TMEM132E: variants seen among roughly 807,000 people sequenced by gnomAD.
TMEM132E encodes the protein transmembrane protein 132E.
A neutral mutation model predicts 78.5 loss-of-function variants in TMEM132E; 49 were observed. That is an observed-to-expected ratio of 0.62 (90% CI 0.50 to 0.79). The LOEUF (loss-of-function observed/expected upper bound fraction) is 0.79. TMEM132E is among the 30% of genes least tolerant of loss of function. TMEM132E has a pLI of 0.00. For synonymous variants in TMEM132E, 715 were observed against 670.6 expected (o/e 1.07, Z -1.02); for missense variants, 1,403 against 1,470.9 (o/e 0.95, Z 0.75).
Position 34,638,166 on chromosome 17 carries a change from C to A in TMEM132E, c.3159C>A (p.Gly1053=), listed in dbSNP as rs747755755. ...DLGWGCPDVA[G]PTRPTAPPDL... is the part of the protein sequence containing the mutation. Reference sequence around the variant, plus strand: ...GTTGGGGCTGCCCGGATGTGGCGGGCCCCACGCGGCCCACTGCACCCCCGG... The same window carrying A: ...GTTGGGGCTGCCCGGATGTGGCGGGACCCACGCGGCCCACTGCACCCCCGG... Residue 1053 remains glycine (G), a synonymous_variant, in exon 9 of 9, where the codon GGC becomes GGA. Transcript: ENST00000631683. 5 of 1,593,476 alleles carry A rather than the reference C, an allele frequency of 3.1e-6. No homozygotes were observed. The African/African-American group carries it at 6.7e-5, about 21-fold the overall frequency.
intron 4 of TMEM132E, 23 bp from the exon 5 acceptor site, chr17:34,629,984 GC>G (rs749506300): frequency 2.2e-4 from 351 of 1,581,742 alleles, no homozygotes; most frequent in East Asian, 5.9e-4. Flanking sequence ...CACAAGTAGA[GC>G]CCCCCCCTTC....
In TMEM132E at chr17:34,638,105, C is replaced by G. The variant is rs1323457353; in HGVS notation, c.3098C>G (p.Ala1033Gly). ...GAGCTGGCCTATGACTCGGTGCCCG[C>G]GGGCGAAGAGGACGAGGAGGAGGAA... Reference protein sequence around the residue: ...SEELAYDSVPAGEEDEEEEED... With the variant: ...SEELAYDSVPGGEEDEEEEED... The change falls in exon 9 of 9, where the codon GCG (alanine) becomes GGG (glycine). Residue 1033 changes from alanine to glycine, a missense_variant. Around this residue, in one of 3 missense-constraint regions of TMEM132E, gnomAD observed 888 missense variants for 952.8 expected, o/e 0.93. Transcript: ENST00000631683. 3.8e-6 allele frequency: 6 copies of G among 1,599,520 alleles called. No individual in the cohort carries two copies. The highest frequency in any genetic ancestry group is 5.1e-6 in the Non-Finnish European group (6 of 1,173,564).
Position 34,627,007 on chromosome 17 carries a change from C to G in TMEM132E, c.948C>G (p.Ala316=). 1 of 1,613,824 alleles carries G rather than the reference C, an allele frequency of 6.2e-7. No homozygotes were observed. Among genetic ancestry groups the G allele is most frequent in the Non-Finnish European group, 8.5e-7 (1 of 1,180,012 alleles). The change falls in exon 2 of 9, where the codon GCC becomes GCG. Residue 316 remains alanine (A), a synonymous_variant. Transcript: ENST00000631683. The part of the protein sequence containing the change: ...GEVLSILLYL[A]PNSSSPSSPS... ...TGCTCAGCATCCTCCTCTATCTGGC[C>G]CCCAACTCCTCCTCGCCCTCCAGCC...
At chr17:34,587,832 G>T (rs1905729249) in intron 1 of TMEM132E, among the ~76,000 whole-genome samples, 1 of 152,216 alleles carries the variant, frequency 6.6e-6, no homozygotes, top group Non-Finnish European at 1.5e-5. Flanking sequence ...CACATTGGCT[G>T]CTATGTGAAG....
intron 2 of TMEM132E, 56 bp downstream of exon 2, chr17:34,627,113 T>A: frequency 9.6e-7 from 1 of 1,042,808 alleles, no homozygotes; most frequent in Non-Finnish European, 1.4e-6. Context: ...AATGCATACC[T>A]GACTCCTTGT....
chr17:34,583,345 C>A (rs527808462), intron 1 of TMEM132E, among the ~76,000 whole-genome samples: 1 of 152,380 alleles, frequency 6.6e-6, no homozygotes, highest in East Asian at 1.9e-4. Context: ...TCTTCTCCAT[C>A]GCATGTCTCA....
At chr17:34,631,268 G>C (rs1265866728) in intron 5 of TMEM132E, among the ~76,000 whole-genome samples, 2 of 152,108 alleles carry the variant, frequency 1.3e-5, no homozygotes, top group African/African-American at 2.4e-5. Flanking sequence ...TGCCTTCCAA[G>C]GGAGCCAGAG....
rs376665855 is a variant in TMEM132E, at chr17:34,629,086, G to T, written c.1220G>T (p.Arg407Leu). Residue 407 changes from arginine to leucine, a missense_variant, in exon 4 of 9, where the codon CGG becomes CTG. Physicochemically the swap from Arg to Leu is moderately radical, Grantham distance 102 (BLOSUM62 -2). Coordinates refer to ENST00000631683, the MANE Select transcript of TMEM132E (RefSeq NM_001304438.2). ...MENFTSQSVK[R>L]RIMWHIDYRG... Reference sequence around the variant, plus strand: ...AACTTCACCAGCCAGTCAGTCAAGCGGAGGATCATGTGGCACATTGACTAC... The same window carrying T: ...AACTTCACCAGCCAGTCAGTCAAGCTGAGGATCATGTGGCACATTGACTAC... The T allele has an allele frequency of 1.2e-6, 2 of 1,610,816 alleles. No individual in the cohort carries two copies.
At chr17:34,627,929 C>A (rs1362125018) in intron 2 of TMEM132E, among the ~76,000 whole-genome samples, 1 of 152,168 alleles carries the variant, frequency 6.6e-6, no homozygotes, top group Admixed American at 6.5e-5. Flanking sequence ...GTAGAGCTTG[C>A]AGAATTAGAG....
intron 1 of TMEM132E, among the ~76,000 whole-genome samples, chr17:34,588,174 A>T (rs1182128187): frequency 2.6e-5 from 4 of 152,108 alleles, no homozygotes; most frequent in African/African-American, 9.7e-5. Context: ...CTCTGACCAG[A>T]ACACTCACAC....
Position 34,637,672 on chromosome 17 carries a change from A to G in TMEM132E, c.2665A>G (p.Ile889Val). The change falls in exon 9 of 9, where the codon ATC (isoleucine) becomes GTC (valine). Residue 889 changes from isoleucine (I) to valine (V), a missense_variant. Ile to Val is a conservative substitution (Grantham distance 29). Transcript: ENST00000631683. ...QVPRGLTDLE[I>V]GMYALLGVFC... ...GCCACGGGGTCTGACAGACCTGGAG[A>G]TCGGCATGTACGCGCTGCTGGGCGT... The G allele has an allele frequency of 6.2e-7, 1 of 1,610,168 alleles. No individual in the cohort carries two copies. The highest frequency in any genetic ancestry group is 8.5e-7 in the Non-Finnish European group (1 of 1,179,926).
At chr17:34,615,517 A>ATGTGTGTGTGTGTGTGTG (rs3048841) in intron 1 of TMEM132E, among the ~76,000 whole-genome samples, 112 of 140,882 alleles carry the variant, frequency 7.9e-4, no homozygotes, top group East Asian at 2.7e-3. Flanking sequence ...ACTGGCACAG[A>ATGTGTGTGTGTGTGTGTG]TGTGTGTGTG....
intron 1 of TMEM132E, among the ~76,000 whole-genome samples, chr17:34,600,303 T>C (rs1361042209): frequency 6.6e-6 from 1 of 152,242 alleles, no homozygotes; most frequent in Non-Finnish European, 1.5e-5. Flanking sequence ...CTACTACTAC[T>C]GAACTGCTAC....
At position 34,626,414 on chromosome 17, in the gene TMEM132E, C is replaced by G; in HGVS notation, c.355C>G (p.Arg119Gly). The G allele has an allele frequency of 6.2e-7, 1 of 1,613,368 alleles. No homozygotes were observed. Among genetic ancestry groups the G allele is most frequent in the Middle Eastern group, 1.7e-4 (1 of 6,060 alleles). ...QPSSTLDIPE[R>G]LTVNWKVRAF... is the part of the protein sequence containing the mutation. ...GTCCAGCACCCTGGACATCCCCGAG[C>G]GCCTGACGGTGAACTGGAAGGTGCG... The change falls in exon 2 of 9, where the codon CGC (arginine) becomes GGC (glycine). Residue 119 changes from arginine to glycine, a missense_variant. Transcript: ENST00000631683.
chr17:34,607,840 G>A (rs746885620), intron 1 of TMEM132E, among the ~76,000 whole-genome samples: 3 of 152,084 alleles, frequency 2.0e-5, no homozygotes, highest in African/African-American at 7.2e-5. Flanking sequence ...GTCTGAAAGG[G>A]TCCCGAGTGC....
chr17:34,622,986 T>C (rs1907007027), intron 1 of TMEM132E, among the ~76,000 whole-genome samples: 1 of 150,728 alleles, frequency 6.6e-6, no homozygotes, highest in Non-Finnish European at 1.5e-5. Context: ...CAAAGATTGA[T>C]GAGAGAGAGA....
intron 1 of TMEM132E, among the ~76,000 whole-genome samples, chr17:34,622,112 C>T (rs1285514039): frequency 3.3e-5 from 5 of 152,190 alleles, no homozygotes; most frequent in African/African-American, 9.6e-5. Context: ...TGTTAGCACA[C>T]ACGCGTGTGT....
At chr17:34,602,156 A>C (rs1272990243) in intron 1 of TMEM132E, among the ~76,000 whole-genome samples, 1 of 152,148 alleles carries the variant, frequency 6.6e-6, no homozygotes, top group African/African-American at 2.4e-5. Context: ...GGGACCAAAA[A>C]ATGTTGTCTC....
chr17:34,602,366 C>T (rs1369682357), intron 1 of TMEM132E, among the ~76,000 whole-genome samples: 1 of 152,210 alleles, frequency 6.6e-6, no homozygotes, highest in African/African-American at 2.4e-5. Context: ...TTCTGAGGCC[C>T]CTTCACTTCT....
Sources: allele counts gnomAD v4.1 joint callset (sites outside exome capture counted in the v4.1 genomes callset), GRCh38; gene constraint gnomAD v4.1.1; regional missense constraint gnomAD v4.1.1; transcripts MANE v1.5; gene names NCBI Gene and HGNC (gene_info 2026-07-23, HGNC 2026-07-21).